The following CDH18 variants were observed in gnomAD, a reference collection of about 807,000 sequenced individuals.
CDH18 encodes the protein cadherin-18.
A neutral mutation model predicts 67.9 loss-of-function variants in CDH18; 31 were observed. The observed-to-expected ratio is 0.46, with a 90% CI of 0.34 to 0.62. The LOEUF (loss-of-function observed/expected upper bound fraction) is 0.62. CDH18 is among the 20% of genes least tolerant of loss of function. The probability of loss-of-function intolerance (pLI) is 0.01; values close to 1 mark genes in which losing one functional copy is unlikely to be tolerated. For missense variants in CDH18, 890 were observed against 975.5 expected (o/e 0.91, Z 1.17); for synonymous variants, 362 against 347.2 (o/e 1.04, Z -0.48).
chr5:20,323,377 A>G (rs761388169), intron 1 of CDH18, among the ~76,000 whole-genome samples: 5 of 152,136 alleles, frequency 3.3e-5, no homozygotes, highest in Non-Finnish European at 5.9e-5. Flanking sequence ...TTTATAATTT[A>G]TGTGACTGAC....
At chr5:20,366,049 C>A (rs1742491682) in intron 1 of CDH18, among the ~76,000 whole-genome samples, 1 of 152,012 alleles carries the variant, frequency 6.6e-6, no homozygotes, top group South Asian at 2.1e-4. Flanking sequence ...CTGGAGTACC[C>A]AACTCAAAAC....
chr5:19,907,205 TGC>T (rs1277094716), intron 2 of CDH18, among the ~76,000 whole-genome samples: 1 of 151,956 alleles, frequency 6.6e-6, no homozygotes, highest in Non-Finnish European at 1.5e-5. Context: ...GTTTCAGAAA[TGC>T]TGTCTATCAA....
In CDH18 at chr5:20,429,404, G is replaced by A. The variant is rs183096772; in HGVS notation, c.-580+146058C>T. 2.6e-5 allele frequency among the ~76,000 whole-genome samples: 4 copies of A among 152,218 alleles called. No individual in the cohort carries two copies. The East Asian group carries it at 5.8e-4, about 22-fold the overall frequency. On this transcript the variant is annotated intron_variant, in intron 1 of 14. Coordinates refer to the CDH18 transcript ENST00000507958. Reference sequence around the variant, plus strand: ...ATTGTATATTTTCCTTTCACAGATTGTGAAAGCAACAGTTATTCCCAGAAT... The same window carrying A: ...ATTGTATATTTTCCTTTCACAGATTATGAAAGCAACAGTTATTCCCAGAAT...
chr5:19,484,977 GA>G (rs1426799685), intron 11 of CDH18, among the ~76,000 whole-genome samples: 2 of 151,494 alleles, frequency 1.3e-5, no homozygotes, highest in African/African-American at 4.9e-5. Flanking sequence ...CTTTTATTCT[GA>G]AAATAGAAAT....
At chr5:20,304,792 C>G in intron 1 of CDH18, 5 of 1,610,752 alleles carry the variant, frequency 3.1e-6, no homozygotes, top group Non-Finnish European at 4.2e-6. Flanking sequence ...GGAAGGAGAC[C>G]GTGTTTCAGC....
chr5:20,424,197 G>C (rs1382062895), intron 1 of CDH18, among the ~76,000 whole-genome samples: 3 of 150,640 alleles, frequency 2.0e-5, no homozygotes, highest in African/African-American at 7.5e-5. Context: ...TTGAAGACAA[G>C]TATCCTCTGC....
chr5:20,024,813 G>T (rs1414602398), intron 2 of CDH18, among the ~76,000 whole-genome samples: 1 of 152,086 alleles, frequency 6.6e-6, no homozygotes, highest in East Asian at 1.9e-4. Context: ...ACATGGTGGG[G>T]GCTAAAGCCA....
At chr5:19,905,998 C>T (rs1163604992) in intron 2 of CDH18, among the ~76,000 whole-genome samples, 1 of 152,034 alleles carries the variant, frequency 6.6e-6, no homozygotes, top group East Asian at 1.9e-4. Context: ...ATTTTCTCCT[C>T]TAGTCATTAA....
chr5:19,747,825 T>A (rs1770230911), intron 3 of CDH18, among the ~76,000 whole-genome samples: 1 of 151,648 alleles, frequency 6.6e-6, no homozygotes, highest in Non-Finnish European at 1.5e-5. Flanking sequence ...TAGAGTATTT[T>A]TGGCCAGGCA....
At chr5:20,138,799 T>C (rs1343400275) in intron 2 of CDH18, among the ~76,000 whole-genome samples, 1 of 152,016 alleles carries the variant, frequency 6.6e-6, no homozygotes, top group African/African-American at 2.4e-5. Context: ...AAACCACTGC[T>C]CAATGAAATA....
chr5:20,164,240 G>A (rs548987578), intron 2 of CDH18, among the ~76,000 whole-genome samples: 2 of 152,194 alleles, frequency 1.3e-5, no homozygotes, highest in Admixed American at 6.5e-5. Flanking sequence ...AAAGGAGCTA[G>A]TTTCTTAAAT....
intron 1 of CDH18, among the ~76,000 whole-genome samples, chr5:20,492,398 A>T (rs1753647824): frequency 6.6e-6 from 1 of 152,188 alleles, no homozygotes; most frequent in African/African-American, 2.4e-5. Context: ...AACAATTATA[A>T]TTTAAAATAA....
In CDH18 at chr5:19,959,809, G is replaced by A. The variant is rs559794353; in HGVS notation, c.-257+21251C>T. Among the ~76,000 whole-genome samples, 3 of 152,168 alleles carry A rather than the reference G, an allele frequency of 2.0e-5. No homozygotes were observed. In the South Asian group the frequency reaches 6.2e-4, roughly 32 times the overall value. On this transcript the variant is annotated intron_variant, in intron 2 of 12. Transcript: ENST00000382275. ...GATTTGTGCTTACACAAACCTAGAG[G>A]GGATAGGCTACTTCACACCTAGGCT...
intron 2 of CDH18, among the ~76,000 whole-genome samples, chr5:19,995,063 G>C (rs1402217778): frequency 6.6e-6 from 1 of 151,106 alleles, no homozygotes; most frequent in South Asian, 2.1e-4. Context: ...AAGCAAATTT[G>C]TCCTTTCCTC....
Position 20,470,976 on chromosome 5 carries a change from CTCT to C in CDH18, c.-580+104483_-580+104485del, listed in dbSNP as rs1042880520. ...TGAAATATAATCTCCCTTGATGCTCCTCTTCTTTTCAGCTTCCTCACCATTCCT... is the reference window on the plus strand; with the variant it reads ...TGAAATATAATCTCCCTTGATGCTCCTCTTTTCAGCTTCCTCACCATTCCT... On this transcript the variant is annotated intron_variant, in intron 1 of 14. Transcript: ENST00000507958. Among the ~76,000 whole-genome samples the C allele has an allele frequency of 1.1e-4, 17 of 152,144 alleles. 1 individual carries two copies. Among genetic ancestry groups the C allele is most frequent in the African/African-American group, 3.9e-4 (16 of 41,436 alleles).
intron 1 of CDH18, among the ~76,000 whole-genome samples, chr5:20,261,515 C>T (rs1053497685): frequency 3.3e-5 from 5 of 152,124 alleles, no homozygotes; most frequent in Admixed American, 2.6e-4. Flanking sequence ...CTGAGGCGGG[C>T]AGATCACGAG....
chr5:20,199,456 T>A (rs1328047252), intron 2 of CDH18, among the ~76,000 whole-genome samples: 2 of 152,212 alleles, frequency 1.3e-5, no homozygotes, highest in East Asian at 3.9e-4. Context: ...TGGAATGGGT[T>A]TATTTACACA....
chr5:19,488,549 T>G (rs1436770090), intron 11 of CDH18, among the ~76,000 whole-genome samples: 1 of 152,174 alleles, frequency 6.6e-6, no homozygotes, highest in African/African-American at 2.4e-5. Flanking sequence ...GGTTTCATAT[T>G]GTCTCTGAGT....
intron 2 of CDH18, chr5:20,158,844 C>G (rs1751754851): frequency 5.1e-6 from 1 of 198,000 alleles, no homozygotes; most frequent in East Asian, 1.4e-4. Context: ...TAATCACAAT[C>G]ATCATTAGCC....
Sources: allele counts gnomAD v4.1 joint callset (sites outside exome capture counted in the v4.1 genomes callset), GRCh38; gene constraint gnomAD v4.1.1; transcripts MANE v1.5; gene names NCBI Gene and HGNC (gene_info 2026-07-23, HGNC 2026-07-21).